Variants in XXYLT1 observed in about 807,000 individuals in gnomAD.
The protein encoded by XXYLT1 is xyloside xylosyltransferase 1.
A neutral mutation model predicts 28.9 loss-of-function variants in XXYLT1; 20 were observed. The observed-to-expected ratio is 0.69, with a 90% CI of 0.49 to 1.00. The LOEUF (loss-of-function observed/expected upper bound fraction) is 1.00, where lower values mean the gene tolerates loss of function less well. Among genes scored for constraint, XXYLT1 ranks in the 50% least tolerant of loss-of-function variants. The probability of loss-of-function intolerance (pLI) is 0.00; values close to 1 mark genes in which losing one functional copy is unlikely to be tolerated. For missense variants in XXYLT1, 542 were observed against 560.1 expected, an observed-to-expected ratio of 0.97 and a Z score of 0.33; for synonymous variants, 257 against 253.8, an observed-to-expected ratio of 1.01 and a Z score of -0.12.
chr3:195,083,157 G>C (rs1295266231), intron 3 of XXYLT1, among the ~76,000 whole-genome samples: 1 of 152,168 alleles, frequency 6.6e-6, no homozygotes, highest in Admixed American at 6.5e-5. Flanking sequence ...CATGACCCTA[G>C]TGCTTGCCTT....
At position 195,205,871 on chromosome 3, in the gene XXYLT1, C is replaced by G. The variant is rs1036650433; in HGVS notation, c.652+20838G>C. Among the ~76,000 whole-genome samples the G allele has an allele frequency of 2.6e-5, 4 of 151,558 alleles. No homozygotes were observed. In the East Asian group the frequency reaches 5.8e-4, roughly 22 times the overall value. On this transcript the variant is annotated intron_variant, in intron 2 of 3. Coordinates refer to ENST00000310380, the MANE Select transcript of XXYLT1 (RefSeq NM_152531.5). ...CAGCAAGGCTCTGTCTCAAAACTAACAGACAACAACAACAAAAACAATATC... is the reference window on the plus strand; with the variant it reads ...CAGCAAGGCTCTGTCTCAAAACTAAGAGACAACAACAACAAAAACAATATC...
intron 3 of XXYLT1, among the ~76,000 whole-genome samples, chr3:195,112,544 G>A (rs1431635659): frequency 6.8e-6 from 1 of 146,104 alleles, no homozygotes; most frequent in South Asian, 2.2e-4. Flanking sequence ...CCCAGCCCCA[G>A]GTGGGAACAG....
intron 3 of XXYLT1, among the ~76,000 whole-genome samples, chr3:195,128,655 C>G (rs1468817108): frequency 6.6e-6 from 1 of 152,198 alleles, no homozygotes; most frequent in African/African-American, 2.4e-5. Flanking sequence ...TTCTTCCTGA[C>G]CAACTCCTGC....
intron 1 of XXYLT1, among the ~76,000 whole-genome samples, chr3:195,259,848 T>C (rs931699213): frequency 6.6e-6 from 1 of 152,084 alleles, no homozygotes; most frequent in Non-Finnish European, 1.5e-5. Flanking sequence ...GCCCGCCGGG[T>C]GTGACGGGGA....
At chr3:195,220,107 C>G (rs551695364) in intron 2 of XXYLT1, among the ~76,000 whole-genome samples, 25 of 151,956 alleles carry the variant, frequency 1.6e-4, no homozygotes, top group Non-Finnish European at 2.8e-4. Context: ...GAGGCTGGGG[C>G]GGATATATGA....
At chr3:195,108,461 G>T (rs1382448003) in intron 3 of XXYLT1, among the ~76,000 whole-genome samples, 1 of 152,198 alleles carries the variant, frequency 6.6e-6, no homozygotes, top group Non-Finnish European at 1.5e-5. Context: ...AAAAAATCTG[G>T]AAAACTTTAC....
intron 3 of XXYLT1, among the ~76,000 whole-genome samples, chr3:195,131,064 C>T (rs1017726762): frequency 2.7e-5 from 4 of 146,320 alleles, no homozygotes; most frequent in African/African-American, 7.8e-5. Flanking sequence ...GTGCCCTCTA[C>T]GGCCTATTCT....
At chr3:195,097,824 C>G (rs553656403) in intron 3 of XXYLT1, among the ~76,000 whole-genome samples, 18 of 152,148 alleles carry the variant, frequency 1.2e-4, no homozygotes, top group Non-Finnish European at 1.6e-4. Context: ...CCCACCCCCC[C>G]ACCACGCACA....
chr3:195,236,372 A>G (rs1724548304), intron 1 of XXYLT1, among the ~76,000 whole-genome samples: 1 of 152,098 alleles, frequency 6.6e-6, no homozygotes, highest in Non-Finnish European at 1.5e-5. Context: ...CCCTGTGTCC[A>G]GTACCACCAC....
chr3:195,248,513 CTT>C (rs1725125767), intron 1 of XXYLT1, among the ~76,000 whole-genome samples: 1 of 152,230 alleles, frequency 6.6e-6, no homozygotes, highest in Non-Finnish European at 1.5e-5. Flanking sequence ...GGGAGTTTCT[CTT>C]ATTTTTTTGC....
At chr3:195,120,870 C>T (rs1263880804) in intron 3 of XXYLT1, among the ~76,000 whole-genome samples, 1 of 152,202 alleles carries the variant, frequency 6.6e-6, no homozygotes, top group African/African-American at 2.4e-5. Context: ...TCAGGCCAGC[C>T]CCCGCCCTGT....
At chr3:195,194,242 A>G (rs927367753) in intron 2 of XXYLT1, among the ~76,000 whole-genome samples, 5 of 150,726 alleles carry the variant, frequency 3.3e-5, no homozygotes, top group Admixed American at 3.3e-4. Flanking sequence ...TATATATATT[A>G]TATATATATA....
intron 3 of XXYLT1, among the ~76,000 whole-genome samples, chr3:195,134,879 G>A (rs1277310249): frequency 7.8e-5 from 11 of 140,642 alleles, no homozygotes; most frequent in African/African-American, 2.5e-4. Context: ...GCGTGTGCGC[G>A]CGTGCGCGCA....
intron 2 of XXYLT1, among the ~76,000 whole-genome samples, chr3:195,202,817 T>C (rs1429323864): frequency 6.6e-6 from 1 of 152,218 alleles, no homozygotes; most frequent in Non-Finnish European, 1.5e-5. Flanking sequence ...AGGCCATAAC[T>C]ATTCTTAAGG....
chr3:195,094,787 C>T (rs1411302982), intron 3 of XXYLT1: 1 of 153,792 alleles, frequency 6.5e-6, no homozygotes, highest in Non-Finnish European at 1.5e-5. Flanking sequence ...TCCACACAGC[C>T]TGCGAAGGCA....
chr3:195,187,430 CACT>C (rs1292865887), intron 2 of XXYLT1, among the ~76,000 whole-genome samples: 4 of 152,088 alleles, frequency 2.6e-5, no homozygotes, highest in Non-Finnish European at 5.9e-5. Context: ...TACCAGCCTC[CACT>C]GTTATTATTA....
intron 3 of XXYLT1, among the ~76,000 whole-genome samples, chr3:195,119,003 C>T (rs1157595909): frequency 6.6e-6 from 1 of 151,990 alleles, no homozygotes; most frequent in Non-Finnish European, 1.5e-5. Context: ...TAAGCCCAGG[C>T]GCGGTGGCTC....
intron 3 of XXYLT1, among the ~76,000 whole-genome samples, chr3:195,141,472 G>A (rs190054537): frequency 4.9e-4 from 75 of 152,218 alleles, no homozygotes; most frequent in Non-Finnish European, 8.7e-4. Flanking sequence ...ATAAGACCCC[G>A]TATATGACCT....
At chr3:195,134,587 G>A (rs538945363) in intron 3 of XXYLT1, 2 of 155,906 alleles carry the variant, frequency 1.3e-5, no homozygotes, top group Non-Finnish European at 2.9e-5. Context: ...TGTATACCAT[G>A]CTACTGTAAT....
Sources: allele counts gnomAD v4.1 joint callset (sites outside exome capture counted in the v4.1 genomes callset), GRCh38; gene constraint gnomAD v4.1.1; transcripts MANE v1.5; gene names NCBI Gene and HGNC (gene_info 2026-07-23, HGNC 2026-07-21).